The following ABTB2 variants were observed in gnomAD, a reference collection of about 807,000 sequenced individuals.
ABTB2 encodes ankyrin repeat and BTB domain containing 2.
Under a neutral mutation model 104.1 loss-of-function variants are expected in ABTB2, and 56 were observed. The ratio of observed to expected loss-of-function variants is 0.54; its 90% CI spans 0.43 to 0.67. ABTB2 has a LOEUF of 0.67. Ranked by LOEUF, ABTB2 falls within the 30% of genes least tolerant of loss-of-function variation. The pLI, the probability that ABTB2 is intolerant of heterozygous loss-of-function variation, is 0.00. For synonymous variants in ABTB2, 606 were observed against 608.2 expected, an observed-to-expected ratio of 1.00 and a Z score of 0.05; for missense variants, 1,279 against 1,407.7, an observed-to-expected ratio of 0.91 and a Z score of 1.46.
chr11:34,254,167 C>A (rs1854091189), intron 1 of ABTB2, among the ~76,000 whole-genome samples: 1 of 152,124 alleles, frequency 6.6e-6, no homozygotes, highest in Non-Finnish European at 1.5e-5. Flanking sequence ...GTATTATTAC[C>A]CCCATTTGTA....
chr11:34,197,103 G>T lies in ABTB2; in HGVS notation c.1244+222C>A, dbSNP rs1853267183. Reference sequence around the variant, plus strand: ...GCAGAAGCACACGTTCTGAGCCTCAGTGGCCCCATGCTGCATCAGCTCAGA... The same window carrying T: ...GCAGAAGCACACGTTCTGAGCCTCATTGGCCCCATGCTGCATCAGCTCAGA... On this transcript the variant is annotated intron_variant, in intron 3 of 16. Transcript: ENST00000435224. 1.3e-5 allele frequency among the ~76,000 whole-genome samples: 2 copies of T among 151,896 alleles called. 1 individual carries two copies. Among genetic ancestry groups the T allele is most frequent in the Admixed American group, 1.3e-4 (2 of 15,258 alleles).
chr11:34,316,822 C>G (rs1377659534), intron 1 of ABTB2, among the ~76,000 whole-genome samples: 1 of 152,164 alleles, frequency 6.6e-6, no homozygotes, highest in Non-Finnish European at 1.5e-5. Flanking sequence ...ATACAAAGGA[C>G]CTGTGTGTGA....
intron 3 of ABTB2, among the ~76,000 whole-genome samples, chr11:34,173,661 G>A (rs1308542498): frequency 6.6e-6 from 1 of 152,172 alleles, no homozygotes; most frequent in Non-Finnish European, 1.5e-5. Context: ...GCCCAGGGAA[G>A]GAGCAGTTCC....
intron 1 of ABTB2, 33 bp from the exon 2 acceptor site, chr11:34,204,723 A>G (rs1853387562): frequency 6.3e-7 from 1 of 1,593,646 alleles, no homozygotes; most frequent in Admixed American, 1.7e-5. Context: ...GGTCACACTT[A>G]GGAAGGAGTG....
intron 1 of ABTB2, among the ~76,000 whole-genome samples, chr11:34,215,715 A>G (rs1299817588): frequency 1.3e-5 from 2 of 152,234 alleles, no homozygotes; most frequent in East Asian, 3.8e-4. Context: ...CACAAGATTG[A>G]GCATTAAAAC....
intron 1 of ABTB2, among the ~76,000 whole-genome samples, chr11:34,221,433 G>A (rs1051969339): frequency 6.6e-6 from 1 of 152,254 alleles, no homozygotes; most frequent in Non-Finnish European, 1.5e-5. Context: ...GAGGTACATA[G>A]TTCAGCCCCT....
intron 1 of ABTB2, among the ~76,000 whole-genome samples, chr11:34,251,342 C>T (rs1368872696): frequency 6.6e-6 from 1 of 152,242 alleles, no homozygotes; most frequent in Non-Finnish European, 1.5e-5. Flanking sequence ...TCTGCTCTGG[C>T]TGAGTGACAG....
chr11:34,253,769 G>GGGC (rs1219550307), intron 1 of ABTB2, among the ~76,000 whole-genome samples: 2 of 152,124 alleles, frequency 1.3e-5, no homozygotes, highest in African/African-American at 4.8e-5. Context: ...TTTCCTGCCT[G>GGGC]GGCACAGTGT....
chr11:34,251,029 T>C (rs899196817), intron 1 of ABTB2, among the ~76,000 whole-genome samples: 1 of 152,216 alleles, frequency 6.6e-6, no homozygotes, highest in Non-Finnish European at 1.5e-5. Context: ...TACTCCTCCT[T>C]CTGATCTCTC....
chr11:34,176,601 C>T (rs1265971085), intron 3 of ABTB2, among the ~76,000 whole-genome samples: 7 of 152,200 alleles, frequency 4.6e-5, no homozygotes, highest in Non-Finnish European at 8.8e-5. Flanking sequence ...ATGATCGCAC[C>T]ACTCCCCTGC....
At chr11:34,345,911 A>C (rs1181771205) in intron 1 of ABTB2, among the ~76,000 whole-genome samples, 1 of 152,200 alleles carries the variant, frequency 6.6e-6, no homozygotes, top group African/African-American at 2.4e-5. Context: ...ATCAATTTTC[A>C]ACTTGGGATT....
At chr11:34,172,233 G>A (rs1185486242) in intron 4 of ABTB2, among the ~76,000 whole-genome samples, 1 of 151,370 alleles carries the variant, frequency 6.6e-6, no homozygotes, top group African/African-American at 2.4e-5. Flanking sequence ...CTACCCAGAC[G>A]TGGTGGTGCG....
Position 34,162,624 on chromosome 11 carries a change from T to C in ABTB2, c.2170A>G (p.Ser724Gly). Residue 724 changes from serine (S) to glycine (G), a missense_variant, in exon 10 of 17, where the codon AGC becomes GGC. By Grantham distance (56) the Ser-to-Gly change is moderately conservative. Transcript: ENST00000435224. ...ATGTCCACGTAGCCGTGCTCAGCGC[T>C]GTAGTACATGGCCTCCTGTAGGGCC... ...TKALQEAMYY[S>G]AEHGYVDITM... 1 of 1,613,634 alleles carries C rather than the reference T, an allele frequency of 6.2e-7. No homozygotes were observed. The highest frequency in any genetic ancestry group is 1.3e-5 in the African/African-American group (1 of 75,054).
chr11:34,276,970 C>T (rs1854389098), intron 1 of ABTB2, among the ~76,000 whole-genome samples: 2 of 152,116 alleles, frequency 1.3e-5, no homozygotes, highest in African/African-American at 4.8e-5. Context: ...GGTGTGATCC[C>T]AGCTTACTGC....
intron 1 of ABTB2, among the ~76,000 whole-genome samples, chr11:34,330,397 G>A (rs1209023548): frequency 6.6e-6 from 1 of 152,184 alleles, no homozygotes; most frequent in Non-Finnish European, 1.5e-5. Flanking sequence ...TTGTTGCACA[G>A]AGTTATTTTA....
At chr11:34,242,659 A>C in intron 1 of ABTB2, 2 of 152,346 alleles carry the variant, frequency 1.3e-5, no homozygotes, top group Middle Eastern at 3.4e-3. Flanking sequence ...CCTAGGGGAG[A>C]AGAGGATTGT....
rs143519298 is a variant in ABTB2, at chr11:34,196,535, T to C, written c.1244+790A>G. 5.3e-3 allele frequency among the ~76,000 whole-genome samples: 802 copies of C among 152,036 alleles called. 9 individuals carry two copies. The highest frequency in any genetic ancestry group is 0.018 in the African/African-American group (743 of 41,486). On this transcript the variant is annotated intron_variant, in intron 3 of 16. Transcript: ENST00000435224. ...TGCCATTGCACTCCAGCCTGGGCAA[T>C]AGAGCAAGACTCCGTCTAAAAAAAA...
chr11:34,153,678 T>G (rs1410451141), intron 16 of ABTB2, among the ~76,000 whole-genome samples: 2 of 152,156 alleles, frequency 1.3e-5, no homozygotes, highest in African/African-American at 4.8e-5. Flanking sequence ...GCTTGTGGAT[T>G]GCAGGGCTAA....
chr11:34,344,721 C>T (rs1855308423), intron 1 of ABTB2, among the ~76,000 whole-genome samples: 1 of 152,204 alleles, frequency 6.6e-6, no homozygotes, highest in Non-Finnish European at 1.5e-5. Context: ...TGATCTCGAA[C>T]TCCTGGACTC....
Sources: allele counts gnomAD v4.1 joint callset (sites outside exome capture counted in the v4.1 genomes callset), GRCh38; gene constraint gnomAD v4.1.1; transcripts MANE v1.5; gene names NCBI Gene and HGNC (gene_info 2026-07-23, HGNC 2026-07-21).